Variants in PLEKHG1 observed in about 807,000 individuals in gnomAD.
PLEKHG1 encodes pleckstrin homology domain-containing family G member 1.
In PLEKHG1, 44 loss-of-function variants were observed where a neutral mutation model predicts 100.8. The ratio of observed to expected loss-of-function variants is 0.44; its 90% CI spans 0.34 to 0.56. The LOEUF is 0.56. PLEKHG1 is among the 20% of genes least tolerant of loss of function. PLEKHG1 has a pLI of 0.01. For missense variants in PLEKHG1, 1,545 were observed against 1,720.9 expected, an observed-to-expected ratio of 0.90 and a Z score of 1.81; for synonymous variants, 640 against 662.5, an observed-to-expected ratio of 0.97 and a Z score of 0.52.
intron 10 of PLEKHG1, among the ~76,000 whole-genome samples, chr6:150,815,235 G>C (rs1288174078): frequency 6.6e-6 from 1 of 152,110 alleles, no homozygotes; most frequent in Non-Finnish European, 1.5e-5. Flanking sequence ...GTCTAATAAT[G>C]TCAACACAGC....
At chr6:150,739,623 G>A (rs375639516) in intron 2 of PLEKHG1, among the ~76,000 whole-genome samples, 6 of 151,810 alleles carry the variant, frequency 4.0e-5, no homozygotes, top group South Asian at 4.2e-4. Flanking sequence ...AGCCGAGATC[G>A]TGCCATTGCA....
At chr6:150,715,613 G>A (rs1452769867) in intron 3 of PLEKHG1, among the ~76,000 whole-genome samples, 1 of 150,218 alleles carries the variant, frequency 6.7e-6, no homozygotes, top group Non-Finnish European at 1.5e-5. Context: ...TCAGTCTCCC[G>A]AGTAACTGGG....
At chr6:150,770,798 T>C (rs1165079965) in intron 3 of PLEKHG1, among the ~76,000 whole-genome samples, 1 of 152,196 alleles carries the variant, frequency 6.6e-6, no homozygotes, top group Non-Finnish European at 1.5e-5. Context: ...AGTCCACTAA[T>C]GGTCCTGTAA....
At chr6:150,841,013 T>TA (rs1415990661) in exon 16 of PLEKHG1, 1 of 814,666 alleles carries the variant, frequency 1.2e-6, no homozygotes, top group Non-Finnish European at 2.1e-6. Context: ...ACCAGAGGTG[T>TA]AAAATATACT....
intron 3 of PLEKHG1, among the ~76,000 whole-genome samples, chr6:150,781,273 G>C (rs191562160): frequency 2.0e-5 from 3 of 151,446 alleles, no homozygotes; most frequent in African/African-American, 7.3e-5. Context: ...GGGAGGCCAA[G>C]GCAGGTGGAT....
chr6:150,618,047 TATACTC>T lies in PLEKHG1; in HGVS notation c.-204+18034_-204+18039del, dbSNP rs1351533436. 6.6e-5 allele frequency among the ~76,000 whole-genome samples: 10 copies of T among 152,340 alleles called. No individual in the cohort carries two copies. In the South Asian group the frequency reaches 1.9e-3, roughly 28 times the overall value. ...ATATACATATAAGTTTATTATAAATTATACTCATAGAATGTGTGATACAATTTGCAA... is the reference window on the plus strand; with the variant it reads ...ATATACATATAAGTTTATTATAAATTATAGAATGTGTGATACAATTTGCAA... On this transcript the variant is annotated intron_variant, in intron 1 of 3. Transcript: ENST00000367326.
At chr6:150,656,040 T>C (rs1474044105) in intron 3 of PLEKHG1, among the ~76,000 whole-genome samples, 2 of 151,920 alleles carry the variant, frequency 1.3e-5, no homozygotes, top group Non-Finnish European at 2.9e-5. Flanking sequence ...GGCACGTGTA[T>C]ACCTATGTAA....
At chr6:150,808,584 G>T (rs803427) in intron 7 of PLEKHG1, among the ~76,000 whole-genome samples, 105,997 of 151,924 alleles carry the variant, frequency 0.7, 38,156 homozygotes, top group African/African-American at 0.88. Context: ...ACCCCATCTC[G>T]ACTAAAAATG....
chr6:150,753,105 C>T (rs1210801137), intron 2 of PLEKHG1, among the ~76,000 whole-genome samples: 2 of 151,960 alleles, frequency 1.3e-5, no homozygotes, highest in African/African-American at 4.8e-5. Flanking sequence ...AGAGCCAGAG[C>T]CTGTCTCAAA....
At chr6:150,677,158 A>T (rs1779784421) in intron 3 of PLEKHG1, among the ~76,000 whole-genome samples, 1 of 152,190 alleles carries the variant, frequency 6.6e-6, no homozygotes, top group Non-Finnish European at 1.5e-5. Flanking sequence ...TTCAAAATGC[A>T]GATCTGATTG....
chr6:150,733,828 AG>A lies in PLEKHG1; in HGVS notation c.151del (p.Ala51ProfsTer2). The A allele has an allele frequency of 6.2e-7, 1 of 1,614,198 alleles. No homozygotes were observed. Among genetic ancestry groups the A allele is most frequent in the Non-Finnish European group, 8.5e-7 (1 of 1,180,022 alleles). ...GCTTGTTTAACCAGGATAAGGAGGTAGGGGCCATAAAACTGGAGCTGATTCC... is the reference window on the plus strand; with the variant it reads ...GCTTGTTTAACCAGGATAAGGAGGTAGGGCCATAAAACTGGAGCTGATTCC... On this transcript the variant is annotated frameshift_variant, in exon 2 of 16. Coordinates refer to ENST00000358517, the Ensembl canonical transcript of PLEKHG1. LOFTEE classifies it high-confidence loss of function.
At chr6:150,687,214 T>C (rs764125466) in intron 3 of PLEKHG1, among the ~76,000 whole-genome samples, 5 of 152,218 alleles carry the variant, frequency 3.3e-5, no homozygotes, top group Non-Finnish European at 7.3e-5. Flanking sequence ...AGTAGTCACA[T>C]AGTAAAAGAT....
intron 2 of PLEKHG1, among the ~76,000 whole-genome samples, chr6:150,741,928 A>G (rs1782879905): frequency 6.6e-6 from 1 of 152,252 alleles, no homozygotes; most frequent in Non-Finnish European, 1.5e-5. Flanking sequence ...AGAAGCTAAT[A>G]GAACCACCAC....
intron 6 of PLEKHG1, among the ~76,000 whole-genome samples, chr6:150,804,188 T>A (rs1786898463): frequency 3.2e-5 from 3 of 94,258 alleles, no homozygotes; most frequent in East Asian, 3.8e-4. Flanking sequence ...TTTTTTTTTT[T>A]TTTTTTTTTT....
chr6:150,653,946 T>G (rs1383492062), intron 3 of PLEKHG1, among the ~76,000 whole-genome samples: 1 of 152,158 alleles, frequency 6.6e-6, no homozygotes, highest in Non-Finnish European at 1.5e-5. Flanking sequence ...CCATAATCAT[T>G]GATATTCTGT....
At chr6:150,822,286 G>GA (rs542368389) in intron 13 of PLEKHG1, among the ~76,000 whole-genome samples, 74 of 151,754 alleles carry the variant, frequency 4.9e-4, no homozygotes, top group African/African-American at 1.7e-3. Flanking sequence ...AAATAGAAGG[G>GA]AAAAAACTAT....
chr6:150,821,529 C>A (rs1776299937), intron 13 of PLEKHG1, among the ~76,000 whole-genome samples: 1 of 151,854 alleles, frequency 6.6e-6, no homozygotes, highest in Non-Finnish European at 1.5e-5. Context: ...ACTAAACATA[C>A]AAAAATTAGC....
chr6:150,630,420 C>T (rs9478773), intron 1 of PLEKHG1, among the ~76,000 whole-genome samples: 11,631 of 152,228 alleles, frequency 0.076, 548 homozygotes, highest in Non-Finnish European at 0.11. Context: ...GGTTGAGTGT[C>T]TGCTGAGAGT....
In PLEKHG1 at chr6:150,683,680, A is replaced by G. The variant is rs539183197; in HGVS notation, c.-99+32894A>G. ...CAAACTAAGGATGACAGAGTGTTCA[A>G]TGATGCTGTTCAACTTGAACCCTGA... is the stretch of plus-strand genomic sequence containing the variant. On this transcript the variant is annotated intron_variant, in intron 3 of 3. Coordinates refer to the PLEKHG1 transcript ENST00000367326. The surrounding 1 kb of genome is among the most constrained non-coding windows in gnomAD (Gnocchi z 4.0). 19 of 695,938 alleles carry G rather than the reference A, an allele frequency of 2.7e-5. No homozygotes were observed. Among genetic ancestry groups the G allele is most frequent in the East Asian group, 1.3e-4 (2 of 14,818 alleles). The allele number at this position is 695,938 out of a possible 1,614,324, so 43.1% of individuals were successfully genotyped here.
Sources: allele counts gnomAD v4.1 joint callset (sites outside exome capture counted in the v4.1 genomes callset), GRCh38; gene constraint gnomAD v4.1.1; non-coding constraint Gnocchi (gnomAD v3.1); transcripts MANE v1.5; gene names NCBI Gene and HGNC (gene_info 2026-07-23, HGNC 2026-07-21).